COTL1: variants seen among roughly 807,000 people sequenced by gnomAD.
COTL1 encodes the protein coactosin like F-actin binding protein 1.
A neutral mutation model predicts 16.5 loss-of-function variants in COTL1; 15 were observed. The ratio of observed to expected loss-of-function variants is 0.91; its 90% confidence interval spans 0.61 to 1.40. COTL1 has a LOEUF of 1.40. COTL1 is among the 40% of genes most tolerant of loss of function. The pLI is 0.00. For missense variants in COTL1, 220 were observed against 201.5 expected (o/e 1.09, Z -0.56); for synonymous variants, 112 against 85.3 (o/e 1.31, Z -1.73).
At chr16:84,599,804 G>C (rs551314009) in intron 2 of COTL1, among the ~76,000 whole-genome samples, 49 of 152,316 alleles carry the variant, frequency 3.2e-4, no homozygotes, top group African/African-American at 1.2e-3. Context: ...TGAGCTGTCA[G>C]CTTCCACCGA....
intron 2 of COTL1, among the ~76,000 whole-genome samples, chr16:84,610,878 T>C (rs1479409901): frequency 1.3e-5 from 1 of 76,364 alleles, no homozygotes; most frequent in East Asian, 6.5e-4. Flanking sequence ...AGCATCTTCA[T>C]GATGCTGCCC....
intron 2 of COTL1, among the ~76,000 whole-genome samples, chr16:84,593,613 A>C (rs1035123605): frequency 8.3e-4 from 126 of 150,990 alleles, no homozygotes; most frequent in African/African-American, 2.9e-3. Context: ...CCGGGTTCAC[A>C]CCATTCTCCT....
chr16:84,577,611 C>A (rs552010424), intron 3 of COTL1, among the ~76,000 whole-genome samples: 6 of 152,182 alleles, frequency 3.9e-5, no homozygotes, highest in Non-Finnish European at 8.8e-5. Flanking sequence ...ATCAAAATGG[C>A]ACGGGCTCGG....
chr16:84,583,538 C>T (rs1008230372), intron 3 of COTL1, among the ~76,000 whole-genome samples: 4 of 152,194 alleles, frequency 2.6e-5, no homozygotes, highest in Non-Finnish European at 4.4e-5. Context: ...GCTCATGCAG[C>T]CTCCAACTCC....
At chr16:84,593,634 C>T (rs1012584132) in intron 2 of COTL1, among the ~76,000 whole-genome samples, 1 of 152,014 alleles carries the variant, frequency 6.6e-6, no homozygotes. Flanking sequence ...GCCTCAGCCC[C>T]CCGAGTAGCT....
intron 2 of COTL1, among the ~76,000 whole-genome samples, chr16:84,608,347 C>CAGGAAGAT (rs1435483468): frequency 4.6e-5 from 7 of 152,148 alleles, no homozygotes; most frequent in African/African-American, 1.7e-4. Context: ...CTGTACTTAC[C>CAGGAAGAT]AGGAAGATAC....
chr16:84,584,069 C>T (rs1341434257), intron 3 of COTL1, among the ~76,000 whole-genome samples: 5 of 152,236 alleles, frequency 3.3e-5, no homozygotes, highest in Non-Finnish European at 7.3e-5. Flanking sequence ...TACCAGCGGT[C>T]ACTGCATTGT....
rs1189164826 is a variant in COTL1 at position 84,617,820 on chromosome 16, C to T, written c.77+18G>A. On this transcript the variant is annotated intron_variant, in intron 1 of 3. Transcript: ENST00000262428. ...GAGCCCGGGGAGCGGGGCGTGGAGACGAATGAAAAGTTCCTACCAGATGAC... is the reference window on the plus strand; with the variant it reads ...GAGCCCGGGGAGCGGGGCGTGGAGATGAATGAAAAGTTCCTACCAGATGAC... 4 of 1,565,788 alleles carry T rather than the reference C, an allele frequency of 2.6e-6. No individual in the cohort carries two copies. Among genetic ancestry groups the T allele is most frequent in the African/African-American group, 1.4e-5 (1 of 74,016 alleles).
intron 2 of COTL1, among the ~76,000 whole-genome samples, chr16:84,614,257 G>A (rs1027761719): frequency 6.6e-6 from 1 of 152,230 alleles, no homozygotes; most frequent in South Asian, 2.1e-4. Flanking sequence ...GGTAGCGGAG[G>A]GGCAGGCAGC....
chr16:84,573,345 G>T (rs745561351), intron 3 of COTL1, among the ~76,000 whole-genome samples: 2 of 152,250 alleles, frequency 1.3e-5, no homozygotes, highest in Non-Finnish European at 2.9e-5. Context: ...GACAGAACAC[G>T]AAAGCGTCTG....
intron 3 of COTL1, among the ~76,000 whole-genome samples, chr16:84,583,520 C>T (rs539692065): frequency 2.0e-5 from 3 of 152,190 alleles, no homozygotes; most frequent in African/African-American, 4.8e-5. Context: ...TGCAATGACA[C>T]GAGCACAGCT....
At chr16:84,600,630 T>A (rs759181405) in intron 2 of COTL1, among the ~76,000 whole-genome samples, 1 of 152,216 alleles carries the variant, frequency 6.6e-6, no homozygotes, top group African/African-American at 2.4e-5. Flanking sequence ...TGTTTCTTTA[T>A]GTGATCCGCA....
At chr16:84,612,783 G>T (rs1905362663) in intron 2 of COTL1, among the ~76,000 whole-genome samples, 1 of 152,052 alleles carries the variant, frequency 6.6e-6, no homozygotes, top group African/African-American at 2.4e-5. Flanking sequence ...CAGTGGTAGG[G>T]GTAGCCAACA....
Position 84,615,218 on chromosome 16 carries a change from A to G in COTL1, c.160+2283T>C, listed in dbSNP as rs1905441012. 3.3e-5 allele frequency among the ~76,000 whole-genome samples: 5 copies of G among 152,234 alleles called. No individual in the cohort carries two copies. The South Asian group carries it at 8.3e-4, about 25-fold the overall frequency. ...GTCCAACAGATGGCTGGGGAAAGAAAGCACTGCAGCTGAAGCTCCCATGGC... is the reference window on the plus strand; with the variant it reads ...GTCCAACAGATGGCTGGGGAAAGAAGGCACTGCAGCTGAAGCTCCCATGGC... On this transcript the variant is annotated intron_variant, in intron 2 of 3. Transcript: ENST00000262428.
At chr16:84,609,590 C>G (rs1328943863) in intron 2 of COTL1, among the ~76,000 whole-genome samples, 1 of 152,254 alleles carries the variant, frequency 6.6e-6, no homozygotes, top group Non-Finnish European at 1.5e-5. Flanking sequence ...CTCTTCCTCT[C>G]CAGGTCAACC....
Position 84,583,804 on chromosome 16 carries a change from G to A in COTL1, c.318+6301C>T, listed in dbSNP as rs1904655294. 2.0e-5 allele frequency among the ~76,000 whole-genome samples: 3 copies of A among 152,114 alleles called. No homozygotes were observed. The South Asian group carries it at 6.2e-4, about 32-fold the overall frequency. On this transcript the variant is annotated intron_variant, in intron 3 of 3. Transcript: ENST00000262428. ...TATCAGAATAGACTCCAATTGGCTA[G>A]TTCACACCATCCCTGGCACGTCCAT...
At chr16:84,578,636 G>A (rs1289123595) in intron 3 of COTL1, among the ~76,000 whole-genome samples, 1 of 149,540 alleles carries the variant, frequency 6.7e-6, no homozygotes, top group Non-Finnish European at 1.5e-5. Flanking sequence ...CACACACGCA[G>A]GCATACACAC....
At chr16:84,605,742 C>T (rs1001479262) in intron 2 of COTL1, among the ~76,000 whole-genome samples, 3 of 152,238 alleles carry the variant, frequency 2.0e-5, no homozygotes, top group African/African-American at 7.2e-5. Context: ...GAGAAAGCAG[C>T]CCTGTCCACA....
chr16:84,590,276 C>G lies in COTL1; in HGVS notation c.161-14G>C. 4 of 1,612,644 alleles carry G rather than the reference C, an allele frequency of 2.5e-6. No individual in the cohort carries two copies. The East Asian group carries it at 8.9e-5, about 36-fold the overall frequency. ...ACCGGACGTCATCTGTGGCCAAAAGCGAAAAGAGAACATGGTGCTGCGTTA... is the reference window on the plus strand; with the variant it reads ...ACCGGACGTCATCTGTGGCCAAAAGGGAAAAGAGAACATGGTGCTGCGTTA... On this transcript the variant is annotated splice_polypyrimidine_tract_variant and intron_variant, in intron 2 of 3. Transcript: ENST00000262428. The surrounding 1 kb of genome is among the most constrained non-coding windows in gnomAD (Gnocchi z 5.5).
Sources: gnomAD v4.1 joint callset for allele counts (sites outside exome capture counted in the v4.1 genomes callset) on GRCh38, gnomAD v4.1.1 for gene constraint, Gnocchi (gnomAD v3.1) non-coding constraint, MANE v1.5 for transcripts, NCBI Gene and HGNC (gene_info 2026-07-23, HGNC 2026-07-21) for gene names.